RFX4: variants seen among roughly 807,000 people sequenced by gnomAD.
The protein encoded by RFX4 is regulatory factor X4, also known as transcription factor RFX4.
A neutral mutation model predicts 95.0 loss-of-function variants in RFX4; 10 were observed. The ratio of observed to expected loss-of-function variants is 0.11; its 90% CI spans 0.06 to 0.18. The LOEUF is 0.18. Among genes scored for constraint, RFX4 ranks in the 10% least tolerant of loss-of-function variants. The pLI is 1.00. For missense variants in RFX4, 640 were observed against 922.0 expected (o/e 0.69, Z 3.96); for synonymous variants, 321 against 340.7 (o/e 0.94, Z 0.64).
At chr12:106,665,082 G>C (rs1565970546) in intron 4 of RFX4, among the ~76,000 whole-genome samples, 1 of 151,730 alleles carries the variant, frequency 6.6e-6, no homozygotes, top group African/African-American at 2.4e-5. Context: ...TGATAGAGGG[G>C]TATTGAAGTT....
chr12:106,702,802 T>A (rs886134468), intron 8 of RFX4, among the ~76,000 whole-genome samples: 1 of 152,186 alleles, frequency 6.6e-6, no homozygotes, highest in African/African-American at 2.4e-5. Context: ...TTTCCCCTAG[T>A]CAACTGAGGC....
At chr12:106,745,457 C>T (rs2042873806) in intron 15 of RFX4, among the ~76,000 whole-genome samples, 1 of 152,174 alleles carries the variant, frequency 6.6e-6, no homozygotes, top group Admixed American at 6.5e-5. Flanking sequence ...TAACAATAAG[C>T]CAATGTATTT....
At chr12:106,585,478 G>T (rs1156729957) in intron 1 of RFX4, among the ~76,000 whole-genome samples, 3 of 152,170 alleles carry the variant, frequency 2.0e-5, no homozygotes, top group Non-Finnish European at 2.9e-5. Context: ...GACACTAGAC[G>T]CACCAGGTGA....
At chr12:106,652,988 T>C (rs981471374) in intron 3 of RFX4, among the ~76,000 whole-genome samples, 5 of 152,192 alleles carry the variant, frequency 3.3e-5, no homozygotes, top group African/African-American at 4.8e-5. Context: ...CCAAACTTGC[T>C]TCCAAATAAC....
intron 1 of RFX4, chr12:106,601,328 C>T: frequency 4.4e-6 from 7 of 1,588,250 alleles, no homozygotes; most frequent in East Asian, 2.3e-5. Context: ...GACCAGGCCT[C>T]GACGGCGCCG....
intron 8 of RFX4, among the ~76,000 whole-genome samples, chr12:106,698,442 C>G (rs904034521): frequency 6.6e-6 from 1 of 151,668 alleles, no homozygotes; most frequent in African/African-American, 2.4e-5. Flanking sequence ...CAGGACCTGG[C>G]TAATTTAAAA....
chr12:106,605,763 A>T (rs1013425235), intron 1 of RFX4, among the ~76,000 whole-genome samples: 2 of 152,200 alleles, frequency 1.3e-5, no homozygotes, highest in Non-Finnish European at 2.9e-5. Flanking sequence ...TGGTGAAATG[A>T]TGGTTGTCTT....
chr12:106,752,273 C>G (rs569949643), intron 17 of RFX4, among the ~76,000 whole-genome samples: 23 of 151,214 alleles, frequency 1.5e-4, no homozygotes, highest in Non-Finnish European at 3.1e-4. Flanking sequence ...TTTCTGAGGG[C>G]TCTGTTCTGT....
chr12:106,730,999 CAAAAA>C (rs34482385), intron 13 of RFX4, among the ~76,000 whole-genome samples: 2 of 144,028 alleles, frequency 1.4e-5, no homozygotes, highest in Non-Finnish European at 3.1e-5. Flanking sequence ...GACTCCGTCT[CAAAAA>C]AAAAAGTCTC....
At chr12:106,606,887 T>C (rs1014536666) in intron 1 of RFX4, among the ~76,000 whole-genome samples, 2 of 152,252 alleles carry the variant, frequency 1.3e-5, no homozygotes, top group Non-Finnish European at 2.9e-5. Flanking sequence ...CTTCTTTTTA[T>C]GGTGTGTAAC....
At chr12:106,747,933 A>G (rs1008247178) in intron 16 of RFX4, among the ~76,000 whole-genome samples, 1 of 151,620 alleles carries the variant, frequency 6.6e-6, no homozygotes, top group African/African-American at 2.4e-5. Context: ...GTCTTAAAAA[A>G]AAAAAAAAAA....
chr12:106,732,341 A>C, intron 14 of RFX4, 92 bp downstream of exon 14: 2 of 1,524,496 alleles, frequency 1.3e-6, no homozygotes, highest in Non-Finnish European at 8.9e-7. Context: ...TCTGTATCTC[A>C]AAGAATTTAG....
At chr12:106,751,068 C>T (rs968838862) in intron 17 of RFX4, among the ~76,000 whole-genome samples, 3 of 149,046 alleles carry the variant, frequency 2.0e-5, no homozygotes, top group African/African-American at 7.4e-5. Context: ...GTATATCTCC[C>T]AATGCTATCC....
rs2137527846 is a variant in RFX4, at chr12:106,720,135, C to CAT, written c.1233+81_1233+82insAT. 3 of 1,204,980 alleles carry CAT rather than the reference C, an allele frequency of 2.5e-6. No individual in the cohort carries two copies. The South Asian group carries it at 3.7e-5, about 15-fold the overall frequency. The allele number at this position is 1,204,980 out of a possible 1,614,324, so 74.6% of individuals were successfully genotyped here. On this transcript the variant is annotated intron_variant, in intron 12 of 17. Transcript: ENST00000392842. This position sits in a 1 kb window ranked among gnomAD's most constrained non-coding sequence, Gnocchi z 4.2. ...TCTGTGAACTTGGCCAAGACAAAGC[C>CAT]CTATGGTAAGCTATCTGAACAGGGT...
intron 13 of RFX4, among the ~76,000 whole-genome samples, chr12:106,723,080 T>A (rs952113394): frequency 6.6e-6 from 1 of 152,218 alleles, no homozygotes; most frequent in Admixed American, 6.5e-5. Flanking sequence ...AATGATCCTG[T>A]AGGGGACTCT....
At chr12:106,648,728 C>A (rs1035239013) in intron 3 of RFX4, among the ~76,000 whole-genome samples, 5 of 150,636 alleles carry the variant, frequency 3.3e-5, no homozygotes, top group East Asian at 2.0e-4. Flanking sequence ...CGCAGAGCGA[C>A]CTTTCCTAAG....
intron 2 of RFX4, among the ~76,000 whole-genome samples, chr12:106,620,633 G>A (rs934162102): frequency 8.5e-5 from 13 of 152,188 alleles, no homozygotes; most frequent in Middle Eastern, 3.4e-3. Flanking sequence ...TATGTTCAGC[G>A]GTGCATGTAT....
At chr12:106,608,710 T>G in intron 1 of RFX4, 87 bp from the exon 2 acceptor site, 1 of 1,197,786 alleles carries the variant, frequency 8.3e-7, no homozygotes, top group Non-Finnish European at 1.2e-6. Context: ...TTTATGATGT[T>G]CTGTCTCTTC....
At chr12:106,689,644 G>A (rs1386966676) in intron 7 of RFX4, among the ~76,000 whole-genome samples, 1 of 152,134 alleles carries the variant, frequency 6.6e-6, no homozygotes, top group Non-Finnish European at 1.5e-5. Flanking sequence ...AGACCATTTT[G>A]CCAGGATATC....
Sources: allele counts gnomAD v4.1 joint callset (sites outside exome capture counted in the v4.1 genomes callset), GRCh38; gene constraint gnomAD v4.1.1; non-coding constraint Gnocchi (gnomAD v3.1); transcripts MANE v1.5; gene names NCBI Gene and HGNC (gene_info 2026-07-23, HGNC 2026-07-21).